CENPK: variants seen among roughly 807,000 people sequenced by gnomAD.
CENPK encodes SoxLZ/Sox6-binding protein Solt.
CENPK carries 46 observed loss-of-function variants against 40.9 expected under a neutral mutation model. The observed-to-expected ratio is 1.13, with a 90% CI of 0.89 to 1.44. The LOEUF (loss-of-function observed/expected upper bound fraction) is 1.44. Ranked by LOEUF, CENPK falls within the 40% of genes most tolerant of loss-of-function variation. The pLI is 0.00. For missense variants in CENPK, 288 were observed against 303.5 expected (o/e 0.95, Z 0.38); for synonymous variants, 107 against 104.4 (o/e 1.02, Z -0.15).
chr5:65,558,197 TAC>T (rs1445371774), intron 2 of CENPK, among the ~76,000 whole-genome samples: 2 of 151,848 alleles, frequency 1.3e-5, no homozygotes, highest in Non-Finnish European at 2.9e-5. Context: ...AAGAGAGAAA[TAC>T]AGTTAGTAGC....
rs1249219284 is a variant in CENPK at position 65,518,635 on chromosome 5, T to C, written c.652-2A>G. The C allele has an allele frequency of 1.3e-6, 2 of 1,541,346 alleles. No homozygotes were observed. The highest frequency in any genetic ancestry group is 2.3e-5 in the East Asian group (1 of 44,180). On this transcript the variant is annotated splice_acceptor_variant, in intron 10 of 10. Coordinates refer to ENST00000396679, the MANE Select transcript of CENPK (RefSeq NM_022145.5). LOFTEE classifies it high-confidence loss of function. The stretch of plus-strand genomic sequence containing the variant: ...ATCAAATAATCTATTTATAAGAATC[T>C]AGGAGAAAATATCATTCAAAATATA...
chr5:65,535,230 G>C (rs544815281), intron 6 of CENPK, among the ~76,000 whole-genome samples: 1 of 151,120 alleles, frequency 6.6e-6, no homozygotes, highest in East Asian at 2.0e-4. Context: ...AAACCCTGTC[G>C]AGGATGGAAG....
chr5:65,515,599 C>T (rs1371689277), downstream of CENPK, among the ~76,000 whole-genome samples: 1 of 152,128 alleles, frequency 6.6e-6, no homozygotes, highest in Non-Finnish European at 1.5e-5. Context: ...AAGTGTGTTC[C>T]TTAATCTACA....
At chr5:65,518,666 C>T in intron 10 of CENPK, 33 bp from the exon 11 acceptor site, 1 of 1,461,360 alleles carries the variant, frequency 6.8e-7, no homozygotes, top group Non-Finnish European at 9.4e-7. Context: ...ATATACTTTA[C>T]TTGGGAAAAA....
At chr5:65,561,299 T>C (rs1477355760) in intron 2 of CENPK, 164 bp downstream of exon 2, 1 of 218,246 alleles carries the variant, frequency 4.6e-6, no homozygotes, top group African/African-American at 2.3e-5. Context: ...ATTTCTTTAC[T>C]GACCACCAAA....
chr5:65,554,966 T>C lies in CENPK; in HGVS notation c.-39-20A>G. 2 of 996,042 alleles carry C rather than the reference T, an allele frequency of 2.0e-6. No individual in the cohort carries two copies. The highest frequency in any genetic ancestry group is 3.2e-6 in the Non-Finnish European group (2 of 624,004). The allele number at this position is 996,042 out of a possible 1,614,324, so 61.7% of individuals were successfully genotyped here. A position where few individuals can be genotyped will look rare whatever the true frequency, so the allele number is the denominator to read the frequency against. On this transcript the variant is annotated intron_variant, in intron 2 of 10. Transcript: ENST00000396679. ...GAAAAACTAAAGCAAAAAATATTTATTCATTCAGCAGTATTGGTTGAACAC... is the reference window on the plus strand; with the variant it reads ...GAAAAACTAAAGCAAAAAATATTTACTCATTCAGCAGTATTGGTTGAACAC...
chr5:65,542,918 T>G (rs918082099), intron 5 of CENPK, 70 bp from the exon 6 acceptor site: 17 of 1,412,720 alleles, frequency 1.2e-5, no homozygotes, highest in East Asian at 1.2e-4. Context: ...AATTTAATTT[T>G]GCGGTTTTCT....
intron 3 of CENPK, among the ~76,000 whole-genome samples, chr5:65,553,708 C>A (rs566440937): frequency 6.6e-6 from 1 of 152,268 alleles, no homozygotes; most frequent in East Asian, 1.9e-4. Flanking sequence ...ACTTCTAATC[C>A]TACCTACTTA....
At chr5:65,551,675 T>C in intron 4 of CENPK, 39 bp from the exon 5 acceptor site, 1 of 1,031,882 alleles carries the variant, frequency 9.7e-7, no homozygotes, top group Non-Finnish European at 1.4e-6. Context: ...CTGTGGACTA[T>C]TCATACCTAT....
chr5:65,533,764 C>T (rs1746330811), intron 6 of CENPK, among the ~76,000 whole-genome samples: 1 of 151,570 alleles, frequency 6.6e-6, no homozygotes, highest in African/African-American at 2.4e-5. Flanking sequence ...AATTTAAGGC[C>T]GGGTGCAGTG....
chr5:65,504,597 GT>G, the CENPK span, among the ~76,000 whole-genome samples: 6 of 151,518 alleles, frequency 4.0e-5, no homozygotes, highest in African/African-American at 1.5e-4. Flanking sequence ...AAAAATTGCT[GT>G]TTTTTTTCCC....
intron 6 of CENPK, chr5:65,529,867 T>A (rs1745456585): frequency 6.6e-6 from 1 of 151,588 alleles, no homozygotes. Flanking sequence ...TGCAGTGGCA[T>A]GAACTCGGCT....
intron 2 of CENPK, among the ~76,000 whole-genome samples, chr5:65,555,671 T>G (rs573812903): frequency 6.6e-6 from 1 of 152,330 alleles, no homozygotes; most frequent in African/African-American, 2.4e-5. Context: ...CAGCACAGAA[T>G]GTCCCATTCT....
intron 6 of CENPK, among the ~76,000 whole-genome samples, chr5:65,539,839 T>C (rs1747639983): frequency 6.6e-6 from 1 of 152,230 alleles, no homozygotes; most frequent in African/African-American, 2.4e-5. Flanking sequence ...GGAGGAGATA[T>C]GACCCTCCAG....
chr5:65,539,628 T>C (rs753777857), intron 6 of CENPK, among the ~76,000 whole-genome samples: 3 of 152,210 alleles, frequency 2.0e-5, no homozygotes, highest in Non-Finnish European at 4.4e-5. Context: ...GACCCACAGC[T>C]CTGAGCATCC....
chr5:65,539,324 A>T (rs1475546756), intron 6 of CENPK, among the ~76,000 whole-genome samples: 2 of 152,226 alleles, frequency 1.3e-5, no homozygotes, highest in African/African-American at 4.8e-5. Flanking sequence ...TAAATGAATA[A>T]AATTCACAGT....
chr5:65,547,340 C>T (rs1214274427), intron 5 of CENPK, among the ~76,000 whole-genome samples: 2 of 149,792 alleles, frequency 1.3e-5, no homozygotes, highest in Non-Finnish European at 2.9e-5. Flanking sequence ...TTGCAGTGAG[C>T]CGAGATTGCA....
chr5:65,545,924 A>T (rs1320630741), intron 5 of CENPK, among the ~76,000 whole-genome samples: 1 of 152,248 alleles, frequency 6.6e-6, no homozygotes, highest in Non-Finnish European at 1.5e-5. Context: ...AATGTATGTT[A>T]TATAAAGCCA....
At chr5:65,508,803 A>C in the CENPK span, among the ~76,000 whole-genome samples, 1 of 151,718 alleles carries the variant, frequency 6.6e-6, no homozygotes, top group African/African-American at 2.4e-5. Flanking sequence ...AAAAAAAAAA[A>C]AAAGCTAAAA....
Sources: allele counts gnomAD v4.1 joint callset (sites outside exome capture counted in the v4.1 genomes callset), GRCh38; gene constraint gnomAD v4.1.1; transcripts MANE v1.5; gene names NCBI Gene and HGNC (gene_info 2026-07-23, HGNC 2026-07-21).